Variants in GRIK2 observed in about 807,000 individuals in gnomAD.
GRIK2 encodes the protein glutamate receptor ionotropic, kainate 2.
A neutral mutation model predicts 100.3 loss-of-function variants in GRIK2; 32 were observed. That is an observed-to-expected ratio of 0.32 (90% confidence interval 0.24 to 0.43). The LOEUF (loss-of-function observed/expected upper bound fraction) is 0.43, where lower values mean the gene tolerates loss of function less well. GRIK2 is among the 20% of genes least tolerant of loss of function. GRIK2 has a pLI of 1.00. For synonymous variants in GRIK2, 417 were observed against 389.4 expected, an observed-to-expected ratio of 1.07 and a Z score of -0.83; for missense variants, 843 against 1,114.9, an observed-to-expected ratio of 0.76 and a Z score of 3.47.
chr6:101,684,292 A>G (rs1771509451), intron 6 of GRIK2, among the ~76,000 whole-genome samples: 1 of 152,194 alleles, frequency 6.6e-6, no homozygotes, highest in Admixed American at 6.5e-5. Context: ...ATCTCTCAAT[A>G]GGGAAAATAA....
intron 7 of GRIK2, among the ~76,000 whole-genome samples, chr6:101,707,413 C>T (rs536681838): frequency 6.8e-6 from 1 of 147,678 alleles, no homozygotes; most frequent in Admixed American, 6.8e-5. Context: ...GTGCAGTATA[C>T]ATATATAAAT....
intron 2 of GRIK2, among the ~76,000 whole-genome samples, chr6:101,430,084 G>A (rs1015467301): frequency 1.3e-5 from 2 of 152,078 alleles, no homozygotes; most frequent in Non-Finnish European, 2.9e-5. Context: ...TGCACAGATC[G>A]ACAGACTGCT....
chr6:101,883,281 T>C (rs1448717661), intron 11 of GRIK2, among the ~76,000 whole-genome samples: 2 of 137,196 alleles, frequency 1.5e-5, no homozygotes, highest in African/African-American at 2.7e-5. Context: ...AAGAGTATTC[T>C]CTTTGGCAAA....
At chr6:101,802,731 A>G (rs1429466250) in intron 9 of GRIK2, among the ~76,000 whole-genome samples, 1 of 151,894 alleles carries the variant, frequency 6.6e-6, no homozygotes. Context: ...GCAATTAGAA[A>G]ATATTTGGTT....
intron 7 of GRIK2, among the ~76,000 whole-genome samples, chr6:101,787,039 G>T (rs1315839118): frequency 6.6e-6 from 1 of 151,908 alleles, no homozygotes; most frequent in Non-Finnish European, 1.5e-5. Context: ...CTAATTCAAT[G>T]TTGGTAGTAG....
chr6:101,961,273 CCAAA>C (rs1168932220), intron 14 of GRIK2, among the ~76,000 whole-genome samples: 3 of 152,160 alleles, frequency 2.0e-5, no homozygotes, highest in Admixed American at 6.5e-5. Flanking sequence ...TTCCTCAACC[CCAAA>C]CAGACAGCTT....
intron 16 of GRIK2, chr6:102,065,754 T>G: frequency 7.5e-7 from 1 of 1,330,452 alleles, no homozygotes; most frequent in Non-Finnish European, 1.0e-6. Flanking sequence ...GTTTTGACCA[T>G]GTTATGTCAT....
At chr6:101,762,138 C>G (rs1355193700) in intron 7 of GRIK2, among the ~76,000 whole-genome samples, 43 of 138,982 alleles carry the variant, frequency 3.1e-4, no homozygotes, top group African/African-American at 1.2e-3. Flanking sequence ...TCCTTCCTCC[C>G]TCCCTTCCTC....
intron 2 of GRIK2, among the ~76,000 whole-genome samples, chr6:101,610,240 AT>A (rs2128313057): frequency 6.6e-6 from 1 of 151,662 alleles, no homozygotes; most frequent in East Asian, 1.9e-4. Flanking sequence ...TATAGTCCAT[AT>A]AAATAATAGA....
intron 12 of GRIK2, among the ~76,000 whole-genome samples, chr6:101,922,122 T>TCCTA (rs1789581164): frequency 6.2e-5 from 1 of 16,020 alleles, no homozygotes; most frequent in Non-Finnish European, 1.4e-4. Context: ...CTTCCTTCCT[T>TCCTA]CCTTCCTTCC....
At chr6:102,021,061 G>C (rs1562117333) in intron 14 of GRIK2, among the ~76,000 whole-genome samples, 1 of 151,814 alleles carries the variant, frequency 6.6e-6, no homozygotes, top group Non-Finnish European at 1.5e-5. Flanking sequence ...GGGAAGTAAA[G>C]ATGGTAAGAA....
intron 4 of GRIK2, among the ~76,000 whole-genome samples, chr6:101,629,296 A>G (rs80170346): frequency 0.014 from 2,058 of 152,250 alleles, 21 homozygotes; most frequent in Non-Finnish European, 0.021. Flanking sequence ...TTGTTACAGA[A>G]TTATTCATAG....
At chr6:101,969,879 C>T (rs144735601) in intron 14 of GRIK2, among the ~76,000 whole-genome samples, 5 of 152,094 alleles carry the variant, frequency 3.3e-5, no homozygotes, top group South Asian at 2.1e-4. Flanking sequence ...AGGCTTAAAA[C>T]CACCATATTA....
chr6:101,954,892 G>C (rs1791818817), intron 14 of GRIK2, among the ~76,000 whole-genome samples: 1 of 152,050 alleles, frequency 6.6e-6, no homozygotes, highest in African/African-American at 2.4e-5. Flanking sequence ...TTCATTGATT[G>C]AGTGCTTTTC....
At chr6:101,412,283 A>G (rs930973150) in intron 2 of GRIK2, among the ~76,000 whole-genome samples, 1 of 152,110 alleles carries the variant, frequency 6.6e-6, no homozygotes, top group African/African-American at 2.4e-5. Flanking sequence ...TAGTATTGAA[A>G]TAAAAATGGT....
At chr6:101,839,814 G>A (rs2128433623) in intron 10 of GRIK2, among the ~76,000 whole-genome samples, 1 of 152,232 alleles carries the variant, frequency 6.6e-6, no homozygotes, top group East Asian at 1.9e-4. Flanking sequence ...ACATCTTTCT[G>A]ATAAATATGA....
intron 15 of GRIK2, among the ~76,000 whole-genome samples, chr6:102,046,318 G>C (rs1770884695): frequency 6.6e-6 from 1 of 152,040 alleles, no homozygotes; most frequent in Non-Finnish European, 1.5e-5. Context: ...CTGCACTTTT[G>C]ATATTGTTTT....
intron 9 of GRIK2, among the ~76,000 whole-genome samples, chr6:101,805,943 GAGATGGGCATCCTTTCTACTT>G (rs1243021792): frequency 6.6e-6 from 1 of 151,984 alleles, no homozygotes; most frequent in African/African-American, 2.4e-5. Flanking sequence ...GCCTGGAGTG[GAGATGGGCATCCTTTCTACTT>G]AGATGGTGTC....
intron 7 of GRIK2, among the ~76,000 whole-genome samples, chr6:101,759,197 T>G (rs1354401720): frequency 1.3e-5 from 2 of 152,320 alleles, no homozygotes; most frequent in African/African-American, 4.8e-5. Flanking sequence ...ATTTTAAAAT[T>G]TATTTTGTTT....
Sources: allele counts gnomAD v4.1 joint callset (sites outside exome capture counted in the v4.1 genomes callset), GRCh38; gene constraint gnomAD v4.1.1; transcripts MANE v1.5; gene names NCBI Gene and HGNC (gene_info 2026-07-23, HGNC 2026-07-21).